Variants in ECM2 observed in about 807,000 individuals in gnomAD.
ECM2 encodes extracellular matrix protein 2.
ECM2 carries 57 observed loss-of-function variants against 67.5 expected under a neutral mutation model. The observed-to-expected ratio is 0.84, with a 90% CI of 0.68 to 1.05. The LOEUF is 1.05. Among genes scored for constraint, ECM2 ranks in the 50% least tolerant of loss-of-function variants. The pLI is 0.00. For synonymous variants in ECM2, 258 were observed against 294.5 expected, an observed-to-expected ratio of 0.88 and a Z score of 1.27; for missense variants, 741 against 822.8, an observed-to-expected ratio of 0.90 and a Z score of 1.22.
chr9:92,530,117 G>C (rs1036504624), intron 1 of ECM2, among the ~76,000 whole-genome samples: 2 of 152,132 alleles, frequency 1.3e-5, no homozygotes, highest in Middle Eastern at 3.2e-3. Context: ...TTTTATATAA[G>C]GAACTTGAGC....
chr9:92,521,036 G>T (rs778327494), intron 2 of ECM2, among the ~76,000 whole-genome samples: 3 of 152,178 alleles, frequency 2.0e-5, no homozygotes, highest in Non-Finnish European at 4.4e-5. Flanking sequence ...GGTGATGGTT[G>T]CACAATACTG....
chr9:92,514,932 C>G lies in ECM2; in HGVS notation c.753G>C (p.Lys251Asn). 1 of 1,613,922 alleles carries G rather than the reference C, an allele frequency of 6.2e-7. No homozygotes were observed. Among genetic ancestry groups the G allele is most frequent in the Non-Finnish European group, 8.5e-7 (1 of 1,179,954 alleles). The change falls in exon 4 of 10, where the codon AAG (lysine) becomes AAC (asparagine). Residue 251 changes from lysine (K) to asparagine (N), a missense_variant. Physicochemically the swap from Lys to Asn is moderately conservative, Grantham distance 94. Transcript: ENST00000344604. ...GCCTCCTCTCCTCTCCAGGCCTCTG[C>G]TTTCTGTCTCCTCCTCTGCTGTCCC... Reference protein sequence around the residue: ...SEGDSRGGDRKQRPGEERRLA... With the variant: ...SEGDSRGGDRNQRPGEERRLA...
At chr9:92,558,346 T>C in the ECM2 span, among the ~76,000 whole-genome samples, 1 of 152,236 alleles carries the variant, frequency 6.6e-6, no homozygotes, top group Non-Finnish European at 1.5e-5. Flanking sequence ...CTTGATGTAG[T>C]ACTCTCCTCC....
intron 8 of ECM2, among the ~76,000 whole-genome samples, chr9:92,502,112 G>A (rs1846715039): frequency 6.6e-6 from 1 of 152,140 alleles, no homozygotes; most frequent in South Asian, 2.1e-4. Context: ...TGTGTGCAGG[G>A]GAATAATCCT....
rs185219551 is a variant in ECM2 at position 92,516,075 on chromosome 9, C to A, written c.482-872G>T. Among the ~76,000 whole-genome samples, 4 of 149,672 alleles carry A rather than the reference C, an allele frequency of 2.7e-5. No homozygotes were observed. The East Asian group carries it at 7.8e-4, about 29-fold the overall frequency. On this transcript the variant is annotated intron_variant, in intron 3 of 9. Transcript: ENST00000344604. Reference sequence around the variant, plus strand: ...TTTCACAGTGCATACTTTTTTTTCCCCCCCCCGAGACGGAGTCTTGCTCTG... The same window carrying A: ...TTTCACAGTGCATACTTTTTTTTCCACCCCCCGAGACGGAGTCTTGCTCTG...
chr9:92,536,313 T>C (rs1369978703), upstream of ECM2, among the ~76,000 whole-genome samples: 1 of 152,200 alleles, frequency 6.6e-6, no homozygotes, highest in Non-Finnish European at 1.5e-5. Context: ...ACTATTCGCA[T>C]TAAAAATGTT....
At chr9:92,517,917 T>A (rs982714617) in intron 2 of ECM2, 42 bp from the exon 3 acceptor site, 7 of 1,609,868 alleles carry the variant, frequency 4.3e-6, no homozygotes, top group Non-Finnish European at 5.9e-6. Flanking sequence ...TCTTATGTGA[T>A]TATCAGTAAC....
chr9:92,530,433 A>T (rs974971811), intron 1 of ECM2, among the ~76,000 whole-genome samples: 1 of 152,354 alleles, frequency 6.6e-6, no homozygotes, highest in South Asian at 2.1e-4. Flanking sequence ...AAAAATTAGT[A>T]GTCATTTTAT....
the ECM2 span, among the ~76,000 whole-genome samples, chr9:92,546,225 C>T: frequency 6.6e-6 from 1 of 152,152 alleles, no homozygotes; most frequent in Non-Finnish European, 1.5e-5. Flanking sequence ...CTCTGTAAAA[C>T]AGACCAATCA....
chr9:92,496,101 A>C lies in ECM2; in HGVS notation c.*214T>G. 1 of 1,181,992 alleles carries C rather than the reference A, an allele frequency of 8.5e-7. No individual in the cohort carries two copies. The highest frequency in any genetic ancestry group is 1.0e-6 in the Non-Finnish European group (1 of 957,106). 73.2% of individuals were successfully genotyped at this position (1,181,992 alleles called of 1,614,324 possible). A position where few individuals can be genotyped will look rare whatever the true frequency, so the allele number is the denominator to read the frequency against. On this transcript the variant is annotated 3_prime_UTR_variant, in exon 10 of 10. Coordinates refer to ENST00000344604, the MANE Select transcript of ECM2 (RefSeq NM_001393.4). Reference sequence around the variant, plus strand: ...AGATGGCCTCTTTCTAGAGGTAGGAAACTGAGAGATTTTACCTTTACTATT... The same window carrying C: ...AGATGGCCTCTTTCTAGAGGTAGGACACTGAGAGATTTTACCTTTACTATT...
the ECM2 span, among the ~76,000 whole-genome samples, chr9:92,546,239 C>T: frequency 6.6e-6 from 1 of 152,194 alleles, no homozygotes. Context: ...CCAATCAGCT[C>T]TCTGTAAAAT....
chr9:92,530,230 T>C (rs1190292753), intron 1 of ECM2, among the ~76,000 whole-genome samples: 1 of 152,130 alleles, frequency 6.6e-6, no homozygotes, highest in African/African-American at 2.4e-5. Context: ...TAAAAATTTG[T>C]CAAAACCCAA....
the ECM2 span, among the ~76,000 whole-genome samples, chr9:92,551,953 G>GATATATATATATGAT: frequency 9.2e-6 from 1 of 108,136 alleles, no homozygotes; most frequent in Non-Finnish European, 1.8e-5. Context: ...ATATATATAT[G>GATATATATATATGAT]ATATATATAT....
intron 1 of ECM2, among the ~76,000 whole-genome samples, chr9:92,531,581 C>T (rs1217319810): frequency 6.6e-6 from 1 of 152,016 alleles, no homozygotes; most frequent in Non-Finnish European, 1.5e-5. Context: ...GGCTATTTAT[C>T]AGCAATCCGT....
At chr9:92,521,296 A>G (rs566876937) in intron 2 of ECM2, among the ~76,000 whole-genome samples, 3 of 152,190 alleles carry the variant, frequency 2.0e-5, no homozygotes, top group Admixed American at 1.3e-4. Context: ...TTTGTTTTCC[A>G]TTATTATAGC....
Position 92,525,815 on chromosome 9 carries a change from G to A in ECM2, c.-27-2922C>T, listed in dbSNP as rs150803376. Among the ~76,000 whole-genome samples the A allele has an allele frequency of 7.4e-3, 1,117 of 151,128 alleles. 12 individuals carry two copies. Among genetic ancestry groups the A allele is most frequent in the Middle Eastern group, 0.031 (9 of 290 alleles). The stretch of plus-strand genomic sequence containing the variant: ...TGAGACAGAAGAATCGCTTAAACCC[G>A]GGAGGCGGAGGTTGCACTGAGTAGC... On this transcript the variant is annotated intron_variant, in intron 1 of 9. Coordinates refer to ENST00000344604, the MANE Select transcript of ECM2 (RefSeq NM_001393.4).
the ECM2 span, among the ~76,000 whole-genome samples, chr9:92,555,872 T>G: frequency 2.0e-5 from 3 of 152,326 alleles, no homozygotes; most frequent in African/African-American, 7.2e-5. Flanking sequence ...TGTATTTTTT[T>G]GTTGTTGTTT....
the ECM2 span, among the ~76,000 whole-genome samples, chr9:92,548,946 TGAA>T: frequency 6.6e-6 from 1 of 152,190 alleles, no homozygotes; most frequent in Admixed American, 6.5e-5. Flanking sequence ...AAGACATTCC[TGAA>T]GAAGAACAAG....
chr9:92,498,334 G>A lies in ECM2; in HGVS notation c.1932-1851C>T, dbSNP rs1846477337. On this transcript the variant is annotated intron_variant, in intron 9 of 9. Coordinates refer to ENST00000344604, the MANE Select transcript of ECM2 (RefSeq NM_001393.4). ...CGTTGGGGGAGGGATAGCATTAGGA[G>A]GTATACCTAATATTAAATGAAGAGT... 1.3e-5 allele frequency among the ~76,000 whole-genome samples: 2 copies of A among 151,950 alleles called. 1 individual carries two copies. The highest frequency in any genetic ancestry group is 4.1e-4 in the South Asian group (2 of 4,820).
Sources: allele counts gnomAD v4.1 joint callset (sites outside exome capture counted in the v4.1 genomes callset), GRCh38; gene constraint gnomAD v4.1.1; transcripts MANE v1.5; gene names NCBI Gene and HGNC (gene_info 2026-07-23, HGNC 2026-07-21).